NDUFA10: variants seen among roughly 807,000 people sequenced by gnomAD.
NDUFA10 encodes NADH:ubiquinone oxidoreductase subunit A10, also known as NADH dehydrogenase [ubiquinone] 1 alpha subcomplex subunit 10, mitochondrial.
In NDUFA10, 40 loss-of-function variants were observed where a neutral mutation model predicts 47.8. The ratio of observed to expected loss-of-function variants is 0.84; its 90% confidence interval spans 0.65 to 1.09. The LOEUF (loss-of-function observed/expected upper bound fraction) is 1.09, where lower values mean the gene tolerates loss of function less well. Among genes scored for constraint, NDUFA10 ranks in the 50% least tolerant of loss-of-function variants. The pLI, the probability that NDUFA10 is intolerant of heterozygous loss-of-function variation, is 0.00. For synonymous variants in NDUFA10, 183 were observed against 172.2 expected (o/e 1.06, Z -0.49); for missense variants, 413 against 451.1 (o/e 0.92, Z 0.76).
At chr2:239,921,894 C>A (rs1391832410) in intron 4 of NDUFA10, among the ~76,000 whole-genome samples, 1 of 150,954 alleles carries the variant, frequency 6.6e-6, no homozygotes, top group Non-Finnish European at 1.5e-5. Context: ...CCTTCCCTCT[C>A]TCCTTCCTTT....
intron 8 of NDUFA10, 78 bp from the exon 9 acceptor site, chr2:239,990,260 T>C: frequency 1.7e-6 from 2 of 1,166,434 alleles, no homozygotes; most frequent in Non-Finnish European, 2.5e-6. Flanking sequence ...CCGATTTTTT[T>C]TAAACATCCA....
intron 4 of NDUFA10, among the ~76,000 whole-genome samples, chr2:239,933,255 C>T (rs1256941339): frequency 2.0e-5 from 3 of 152,212 alleles, no homozygotes; most frequent in Non-Finnish European, 4.4e-5. Flanking sequence ...CCATATCCCT[C>T]CATCCCATCT....
At chr2:239,988,246 CATAA>C (rs1287827270) in intron 9 of NDUFA10, among the ~76,000 whole-genome samples, 2 of 152,074 alleles carry the variant, frequency 1.3e-5, no homozygotes, top group Non-Finnish European at 2.9e-5. Flanking sequence ...TCAGATGCTA[CATAA>C]ATATTGAATA....
At chr2:240,002,905 C>T (rs894121588) in intron 8 of NDUFA10, among the ~76,000 whole-genome samples, 20 of 152,106 alleles carry the variant, frequency 1.3e-4, no homozygotes, top group African/African-American at 1.9e-4. Flanking sequence ...GCTGGAGTAC[C>T]GTGGCGTGAA....
intron 4 of NDUFA10, among the ~76,000 whole-genome samples, chr2:239,905,425 C>G (rs2106467506): frequency 6.6e-6 from 1 of 152,364 alleles, no homozygotes; most frequent in East Asian, 1.9e-4. Flanking sequence ...AAGATTTGCA[C>G]CGGGACTCTC....
At chr2:240,020,251 T>C (rs537150009) in intron 3 of NDUFA10, among the ~76,000 whole-genome samples, 1 of 152,284 alleles carries the variant, frequency 6.6e-6, no homozygotes, top group Non-Finnish European at 1.5e-5. Flanking sequence ...CGGCTGAGCT[T>C]GTGCGTGAGA....
intron 5 of NDUFA10, among the ~76,000 whole-genome samples, chr2:239,893,074 G>A (rs1693323710): frequency 6.6e-6 from 1 of 152,168 alleles, no homozygotes; most frequent in Non-Finnish European, 1.5e-5. Flanking sequence ...AACTAGTTGG[G>A]ATGAAGCCAG....
intron 9 of NDUFA10, chr2:239,982,099 G>T: frequency 6.2e-7 from 1 of 1,612,434 alleles, no homozygotes; most frequent in South Asian, 1.1e-5. Flanking sequence ...GCAAACCAGT[G>T]ACCTGACACG....
At chr2:239,930,154 CGCT>C (rs1694139585) in intron 4 of NDUFA10, among the ~76,000 whole-genome samples, 1 of 146,878 alleles carries the variant, frequency 6.8e-6, no homozygotes, top group Admixed American at 6.8e-5. Flanking sequence ...CCTGCTCCTC[CGCT>C]GCCCCTGCTT....
Position 239,950,850 on chromosome 2 carries a change from C to T in NDUFA10, c.294+39224G>A, listed in dbSNP as rs551031208. Among the ~76,000 whole-genome samples, 34 of 152,214 alleles carry T rather than the reference C, an allele frequency of 2.2e-4. 1 individual carries two copies. The highest frequency in any genetic ancestry group is 7.3e-5 in the Non-Finnish European group (5 of 68,046). ...CTCCATTCTGTGATTCAAGTAGGTG[C>T]CTGTCTAGTTGTGTGACACTGTCCA... On this transcript the variant is annotated intron_variant, in intron 4 of 5. Coordinates refer to the NDUFA10 transcript ENST00000419408.
chr2:239,899,201 ATGGAGGGGTGTGGAGGGGTGTGG>A (rs1693482247), intron 4 of NDUFA10, among the ~76,000 whole-genome samples: 1 of 16,202 alleles, frequency 6.2e-5, no homozygotes, highest in Non-Finnish European at 1.6e-4. Context: ...GAGGAGTGTG[ATGGAGGGGTGTGGAGGGGTGTGG>A]TGGAGGGGTG....
At chr2:239,943,339 C>CT (rs1264513282) in intron 4 of NDUFA10, among the ~76,000 whole-genome samples, 8 of 149,758 alleles carry the variant, frequency 5.3e-5, no homozygotes, top group East Asian at 3.9e-4. Context: ...ATTTTTCTTT[C>CT]TTTTTTTTTG....
chr2:239,894,531 C>T (rs192910563), intron 5 of NDUFA10, among the ~76,000 whole-genome samples: 54 of 152,298 alleles, frequency 3.5e-4, no homozygotes, highest in Non-Finnish European at 6.8e-4. Context: ...TCAGTAAGAT[C>T]TGTCTCTTCT....
intron 5 of NDUFA10, chr2:240,014,136 C>G (rs996386105): frequency 1.9e-5 from 3 of 157,864 alleles, no homozygotes; most frequent in African/African-American, 7.2e-5. Context: ...TTTGTTTCAT[C>G]TCAGGATCCT....
chr2:239,919,078 C>T (rs902441054), intron 4 of NDUFA10, among the ~76,000 whole-genome samples: 1 of 152,188 alleles, frequency 6.6e-6, no homozygotes, highest in South Asian at 2.1e-4. Context: ...GGTCTAAGCA[C>T]CATCTTGGGA....
At chr2:239,917,783 C>T (rs567633494) in intron 4 of NDUFA10, among the ~76,000 whole-genome samples, 9 of 152,344 alleles carry the variant, frequency 5.9e-5, no homozygotes, top group Non-Finnish European at 8.8e-5. Flanking sequence ...ATGTTAAGTC[C>T]GCTGGCTCTG....
At chr2:239,915,022 A>T (rs1425035931) in intron 4 of NDUFA10, among the ~76,000 whole-genome samples, 2 of 142,904 alleles carry the variant, frequency 1.4e-5, no homozygotes, top group Admixed American at 1.4e-4. Context: ...ACACACAGAG[A>T]TACACATACA....
intron 4 of NDUFA10, among the ~76,000 whole-genome samples, chr2:239,919,233 C>G (rs1693927226): frequency 1.3e-5 from 2 of 152,322 alleles, no homozygotes; most frequent in South Asian, 4.1e-4. Context: ...ACAACAGCAG[C>G]CCTGCCCCTC....
chr2:239,955,362 G>A (rs1262561433), downstream of NDUFA10, among the ~76,000 whole-genome samples: 1 of 152,198 alleles, frequency 6.6e-6, no homozygotes, highest in Non-Finnish European at 1.5e-5. Context: ...ATGGCACAGA[G>A]AGGTTTCTAG....
Sources: gnomAD v4.1 joint callset for allele counts (sites outside exome capture counted in the v4.1 genomes callset) on GRCh38, gnomAD v4.1.1 for gene constraint, MANE v1.5 for transcripts, NCBI Gene and HGNC (gene_info 2026-07-23, HGNC 2026-07-21) for gene names.